Variants in FHIT observed in about 807,000 individuals in gnomAD.
The protein encoded by FHIT is fragile histidine triad diadenosine triphosphatase.
FHIT carries 19 observed loss-of-function variants against 17.9 expected under a neutral mutation model. The ratio of observed to expected loss-of-function variants is 1.06; its 90% confidence interval spans 0.74 to 1.56. The LOEUF is 1.56. Among genes scored for constraint, FHIT ranks in the 40% most tolerant of loss-of-function variants. The probability of loss-of-function intolerance (pLI) is 0.00; values close to 1 mark genes in which losing one functional copy is unlikely to be tolerated. For missense variants in FHIT, 248 were observed against 189.2 expected, an observed-to-expected ratio of 1.31 and a Z score of -1.82; for synonymous variants, 81 against 69.7, an observed-to-expected ratio of 1.16 and a Z score of -0.81.
chr3:59,784,701 G>A (rs1004405013), intron 8 of FHIT, among the ~76,000 whole-genome samples: 24 of 152,088 alleles, frequency 1.6e-4, no homozygotes, highest in African/African-American at 5.6e-4. Context: ...AGTCAGTTCG[G>A]TGCTCCTTTG....
At chr3:60,597,706 G>C (rs1398451631) in intron 4 of FHIT, among the ~76,000 whole-genome samples, 2 of 152,242 alleles carry the variant, frequency 1.3e-5, no homozygotes, top group Admixed American at 6.5e-5. Context: ...TTCTAATAAA[G>C]TCTAAATGGG....
At chr3:59,983,916 A>G (rs1369362759) in intron 7 of FHIT, among the ~76,000 whole-genome samples, 1 of 151,548 alleles carries the variant, frequency 6.6e-6, no homozygotes, top group African/African-American at 2.4e-5. Flanking sequence ...GAGTTGCTGC[A>G]TAGACCAAAA....
chr3:60,547,883 T>G (rs982810470), intron 4 of FHIT, among the ~76,000 whole-genome samples: 1 of 152,088 alleles, frequency 6.6e-6, no homozygotes. Flanking sequence ...GGCCCCAAAC[T>G]GGGAAATCTC....
intron 5 of FHIT, among the ~76,000 whole-genome samples, chr3:60,188,566 A>C (rs1702264278): frequency 1.3e-5 from 2 of 152,294 alleles, no homozygotes; most frequent in South Asian, 2.1e-4. Context: ...AGATTTTGTG[A>C]AGTTTCATAT....
In FHIT at chr3:60,107,087, C is replaced by A. The variant is rs543508059; in HGVS notation, c.104-92935G>T. On this transcript the variant is annotated intron_variant, in intron 5 of 9. Coordinates refer to ENST00000492590, the MANE Select transcript of FHIT (RefSeq NM_002012.4). Reference sequence around the variant, plus strand: ...ACATGCATTTGACAACCAATCTGGGCACTATTTTCCTAGGAAAAGGCTCAT... The same window carrying A: ...ACATGCATTTGACAACCAATCTGGGAACTATTTTCCTAGGAAAAGGCTCAT... Among the ~76,000 whole-genome samples, 14 of 150,618 alleles carry A rather than the reference C, an allele frequency of 9.3e-5. No homozygotes were observed. The South Asian group carries it at 2.8e-3, about 30-fold the overall frequency.
chr3:60,267,655 C>G lies in FHIT; in HGVS notation c.104-253503G>C, dbSNP rs193010800. On this transcript the variant is annotated intron_variant, in intron 5 of 9. Coordinates refer to ENST00000492590, the MANE Select transcript of FHIT (RefSeq NM_002012.4). ...CATATGACCGTTCTTCCACACTTAG[C>G]ATTTTCTACTGTATACATCATTAAT... is the stretch of plus-strand genomic sequence containing the variant. Among the ~76,000 whole-genome samples, 677 of 152,194 alleles carry G rather than the reference C, an allele frequency of 4.4e-3. 18 individuals are homozygous for G. The highest frequency in any genetic ancestry group is 0.038 in the Admixed American group (580 of 15,268).
chr3:60,544,561 G>A (rs763619806), intron 4 of FHIT, among the ~76,000 whole-genome samples: 1 of 147,904 alleles, frequency 6.8e-6, no homozygotes, highest in East Asian at 2.0e-4. Context: ...CCTTTTGAAT[G>A]TCATAAGTGA....
chr3:60,494,712 G>A (rs973499358), intron 5 of FHIT, among the ~76,000 whole-genome samples: 1 of 152,082 alleles, frequency 6.6e-6, no homozygotes, highest in South Asian at 2.1e-4. Flanking sequence ...CTACAAATAA[G>A]TGAGAACATA....
intron 4 of FHIT, among the ~76,000 whole-genome samples, chr3:60,639,849 T>C (rs912441321): frequency 5.9e-5 from 9 of 152,158 alleles, no homozygotes; most frequent in Non-Finnish European, 8.8e-5. Context: ...TATCTATACA[T>C]AAGCAGCTTC....
At chr3:60,836,872 G>A (rs181555249) in intron 3 of FHIT, among the ~76,000 whole-genome samples, 50 of 152,310 alleles carry the variant, frequency 3.3e-4, no homozygotes, top group Admixed American at 1.0e-3. Context: ...TGTTCTGGTA[G>A]CTATCTTGGG....
At chr3:60,069,169 G>T (rs1702650805) in intron 5 of FHIT, among the ~76,000 whole-genome samples, 1 of 152,148 alleles carries the variant, frequency 6.6e-6, no homozygotes, top group Non-Finnish European at 1.5e-5. Flanking sequence ...TGCTTGGAAA[G>T]ATACACACCA....
chr3:60,567,787 G>C (rs1203018304), intron 4 of FHIT, among the ~76,000 whole-genome samples: 1 of 152,152 alleles, frequency 6.6e-6, no homozygotes, highest in African/African-American at 2.4e-5. Context: ...CCAGCAAAAA[G>C]TGGGTGAAGG....
intron 5 of FHIT, among the ~76,000 whole-genome samples, chr3:60,208,864 G>A (rs1703320481): frequency 6.6e-6 from 1 of 152,104 alleles, no homozygotes; most frequent in Non-Finnish European, 1.5e-5. Context: ...CTGTAAAATG[G>A]AGATATCATT....
intron 7 of FHIT, among the ~76,000 whole-genome samples, chr3:59,932,121 C>T (rs1017209443): frequency 2.6e-5 from 4 of 152,098 alleles, no homozygotes; most frequent in Non-Finnish European, 5.9e-5. Context: ...TCCATGAGCA[C>T]AGAGGTGAGC....
chr3:60,590,229 A>G (rs2038040183), intron 4 of FHIT, among the ~76,000 whole-genome samples: 1 of 152,082 alleles, frequency 6.6e-6, no homozygotes, highest in Admixed American at 6.6e-5. Context: ...AGATCAGACC[A>G]CCTTGGCGGA....
intron 5 of FHIT, among the ~76,000 whole-genome samples, chr3:60,423,403 A>G (rs765668123): frequency 6.6e-6 from 1 of 152,154 alleles, no homozygotes; most frequent in Non-Finnish European, 1.5e-5. Context: ...TCAAAAACAG[A>G]GCGTGAGAAA....
intron 3 of FHIT, among the ~76,000 whole-genome samples, chr3:60,851,513 A>G (rs1703153736): frequency 6.6e-6 from 1 of 152,294 alleles, no homozygotes; most frequent in South Asian, 2.1e-4. Context: ...GGGAACGTCT[A>G]ACAGAATGAC....
At chr3:60,139,455 A>T (rs7624360) in intron 5 of FHIT, among the ~76,000 whole-genome samples, 123,345 of 152,050 alleles carry the variant, frequency 0.81, 51,319 homozygotes, top group Non-Finnish European at 0.91. Flanking sequence ...TGGAGAGGCA[A>T]GAAAAGGCCA....
chr3:60,098,658 T>A (rs910650008), intron 5 of FHIT, among the ~76,000 whole-genome samples: 1 of 152,160 alleles, frequency 6.6e-6, no homozygotes, highest in Non-Finnish European at 1.5e-5. Flanking sequence ...TTCTCCCATT[T>A]TGTAGGTTGC....
Sources: gnomAD v4.1 joint callset for allele counts (sites outside exome capture counted in the v4.1 genomes callset) on GRCh38, gnomAD v4.1.1 for gene constraint, MANE v1.5 for transcripts, NCBI Gene and HGNC (gene_info 2026-07-23, HGNC 2026-07-21) for gene names.